CDK14: variants seen among roughly 807,000 people sequenced by gnomAD.
CDK14 encodes the protein cyclin-dependent kinase 14.
In CDK14, 34 loss-of-function variants were observed where a neutral mutation model predicts 60.7. The ratio of observed to expected loss-of-function variants is 0.56; its 90% CI spans 0.43 to 0.75. The LOEUF (loss-of-function observed/expected upper bound fraction) is 0.75. Among genes scored for constraint, CDK14 ranks in the 30% least tolerant of loss-of-function variants. The pLI is 0.00. For synonymous variants in CDK14, 197 were observed against 203.7 expected, an observed-to-expected ratio of 0.97 and a Z score of 0.28; for missense variants, 482 against 564.1, an observed-to-expected ratio of 0.85 and a Z score of 1.47.
chr7:91,179,271 G>A (rs372319938), intron 14 of CDK14, among the ~76,000 whole-genome samples: 6 of 146,828 alleles, frequency 4.1e-5, no homozygotes, highest in African/African-American at 1.0e-4. Flanking sequence ...ACCAAACCCC[G>A]CATATTCTCA....
At chr7:90,784,219 T>C (rs78923021) in intron 4 of CDK14, among the ~76,000 whole-genome samples, 1,958 of 152,104 alleles carry the variant, frequency 0.013, 59 homozygotes, top group African/African-American at 0.045. Flanking sequence ...AACTAAAAAA[T>C]TGTTCTCATG....
chr7:90,794,036 A>G (rs906389916), intron 5 of CDK14, among the ~76,000 whole-genome samples: 2 of 152,128 alleles, frequency 1.3e-5, no homozygotes, highest in Admixed American at 6.5e-5. Context: ...AAAGGGAAAG[A>G]GTACAAAAGA....
In CDK14 at chr7:90,744,798, G is replaced by A. The variant is rs1172415005; in HGVS notation, c.370-2883G>A. On this transcript the variant is annotated intron_variant, in intron 3 of 14. Transcript: ENST00000380050. ...CCCCCACCTCCCTGCCGGACGGGGCGGCTGGCCGGGCGGGGGGCTGACGCC... is the reference window on the plus strand; with the variant it reads ...CCCCCACCTCCCTGCCGGACGGGGCAGCTGGCCGGGCGGGGGGCTGACGCC... 9.5e-4 allele frequency among the ~76,000 whole-genome samples: 127 copies of A among 133,346 alleles called. 14 individuals are homozygous for A. Among genetic ancestry groups the A allele is most frequent in the African/African-American group, 3.3e-3 (118 of 35,816 alleles). The allele number at this position is 133,346 out of a possible 152,430, so 87.5% of individuals were successfully genotyped here.
intron 12 of CDK14, among the ~76,000 whole-genome samples, chr7:91,088,894 A>G (rs1461490932): frequency 1.3e-5 from 2 of 152,038 alleles, no homozygotes; most frequent in African/African-American, 4.8e-5. Context: ...TTGTCCAGCT[A>G]AATCCTTTAG....
intron 14 of CDK14, among the ~76,000 whole-genome samples, chr7:91,194,342 A>T (rs1041729731): frequency 6.6e-6 from 1 of 152,218 alleles, no homozygotes; most frequent in African/African-American, 2.4e-5. Flanking sequence ...GCTCATGCTC[A>T]TCATGCGTGA....
At chr7:90,975,330 A>C (rs536079289) in intron 9 of CDK14, among the ~76,000 whole-genome samples, 1 of 152,032 alleles carries the variant, frequency 6.6e-6, no homozygotes, top group South Asian at 2.1e-4. Flanking sequence ...ATACTTTCAT[A>C]TTAAATTTTT....
chr7:90,625,918 G>T (rs1799865963), intron 2 of CDK14, among the ~76,000 whole-genome samples: 1 of 152,244 alleles, frequency 6.6e-6, no homozygotes, highest in East Asian at 1.9e-4. Context: ...AACACTGTGT[G>T]TGGAGGTCTT....
intron 9 of CDK14, among the ~76,000 whole-genome samples, chr7:90,964,817 A>G (rs1230041643): frequency 6.6e-6 from 1 of 152,194 alleles, no homozygotes; most frequent in Non-Finnish European, 1.5e-5. Context: ...GTCTTAGAAC[A>G]TTAATATATA....
intron 2 of CDK14, among the ~76,000 whole-genome samples, chr7:90,611,456 C>G (rs1173390706): frequency 6.6e-6 from 1 of 152,242 alleles, no homozygotes; most frequent in African/African-American, 2.4e-5. Context: ...GTTCCTCTCT[C>G]TGCTATTGGC....
At chr7:91,025,553 A>T (rs904088382) in intron 10 of CDK14, among the ~76,000 whole-genome samples, 2 of 152,184 alleles carry the variant, frequency 1.3e-5, no homozygotes, top group Non-Finnish European at 2.9e-5. Context: ...CTTGGACTCA[A>T]GTGTGGTACT....
At chr7:90,922,326 A>G (rs1236127069) in intron 8 of CDK14, among the ~76,000 whole-genome samples, 3 of 152,174 alleles carry the variant, frequency 2.0e-5, no homozygotes, top group African/African-American at 7.2e-5. Flanking sequence ...TAACACCTCA[A>G]CAGTTTTAAG....
At chr7:91,089,033 G>T (rs1451900693) in intron 12 of CDK14, among the ~76,000 whole-genome samples, 1 of 152,160 alleles carries the variant, frequency 6.6e-6, no homozygotes, top group African/African-American at 2.4e-5. Flanking sequence ...TCTTAGGCCA[G>T]ATTTTAACTA....
intron 10 of CDK14, 86 bp from the exon 11 acceptor site, chr7:91,045,811 T>G: frequency 1.3e-6 from 1 of 798,096 alleles, no homozygotes; most frequent in Middle Eastern, 2.3e-4. Flanking sequence ...TTTCATAATA[T>G]GTAGTGTACT....
intron 2 of CDK14, among the ~76,000 whole-genome samples, chr7:90,695,293 G>T (rs1238497578): frequency 1.3e-5 from 2 of 152,048 alleles, no homozygotes; most frequent in African/African-American, 4.8e-5. Context: ...GACATTATGA[G>T]GTCCTAAAAA....
chr7:90,825,221 T>A (rs1789681660), intron 5 of CDK14, among the ~76,000 whole-genome samples: 2 of 152,222 alleles, frequency 1.3e-5, no homozygotes, highest in African/African-American at 4.8e-5. Flanking sequence ...TCCCGTACTC[T>A]GAGTCACCTA....
intron 6 of CDK14, among the ~76,000 whole-genome samples, chr7:90,877,044 TGTTG>T (rs956177754): frequency 1.3e-5 from 2 of 152,168 alleles, no homozygotes; most frequent in African/African-American, 4.8e-5. Flanking sequence ...GCTGGTTAGT[TGTTG>T]GTTTGTTTTT....
chr7:90,913,278 G>A (rs1171995289), intron 7 of CDK14, among the ~76,000 whole-genome samples: 1 of 152,198 alleles, frequency 6.6e-6, no homozygotes, highest in African/African-American at 2.4e-5. Context: ...AGTCCATGGG[G>A]CATTCCATTG....
chr7:90,872,399 T>C (rs2117251846), intron 6 of CDK14, among the ~76,000 whole-genome samples: 1 of 152,300 alleles, frequency 6.6e-6, no homozygotes, highest in Admixed American at 6.5e-5. Context: ...ACATTGTGGA[T>C]GACTGAATGT....
chr7:90,792,144 C>T (rs1191942249), intron 5 of CDK14, among the ~76,000 whole-genome samples: 1 of 151,832 alleles, frequency 6.6e-6, no homozygotes, highest in South Asian at 2.1e-4. Flanking sequence ...TAGTGATCCA[C>T]TCACCTCGGC....
Sources: allele counts gnomAD v4.1 joint callset (sites outside exome capture counted in the v4.1 genomes callset), GRCh38; gene constraint gnomAD v4.1.1; transcripts MANE v1.5; gene names NCBI Gene and HGNC (gene_info 2026-07-23, HGNC 2026-07-21).